The following STK32B variants were observed in gnomAD, a reference collection of about 807,000 sequenced individuals.
The protein encoded by STK32B is serine/threonine kinase 32B, also known as serine/threonine-protein kinase 32B.
STK32B carries 43 observed loss-of-function variants against 52.6 expected under a neutral mutation model. The ratio of observed to expected loss-of-function variants is 0.82; its 90% CI spans 0.64 to 1.05. The LOEUF is 1.05. STK32B is among the 50% of genes least tolerant of loss of function. The probability of loss-of-function intolerance (pLI) is 0.00; values close to 1 mark genes in which losing one functional copy is unlikely to be tolerated. For synonymous variants in STK32B, 238 were observed against 204.3 expected (o/e 1.17, Z -1.41); for missense variants, 621 against 534.6 (o/e 1.16, Z -1.59).
chr4:5,374,740 A>G (rs1243544443), intron 4 of STK32B, among the ~76,000 whole-genome samples: 1 of 143,584 alleles, frequency 7.0e-6, no homozygotes, highest in African/African-American at 2.7e-5. Context: ...ATACTATTGC[A>G]TTGAGGCTCA....
intron 3 of STK32B, among the ~76,000 whole-genome samples, chr4:5,270,912 C>A (rs1248463776): frequency 2.0e-5 from 3 of 152,078 alleles, no homozygotes; most frequent in Non-Finnish European, 4.4e-5. Flanking sequence ...TCAACAAAAT[C>A]AAAAACTGAA....
At chr4:5,232,459 G>A (rs956371847) in intron 3 of STK32B, among the ~76,000 whole-genome samples, 5 of 152,196 alleles carry the variant, frequency 3.3e-5, no homozygotes, top group African/African-American at 7.2e-5. Flanking sequence ...TGAGGGACAC[G>A]ATAATTTCAG....
At chr4:5,334,608 T>G (rs1347144693) in intron 4 of STK32B, among the ~76,000 whole-genome samples, 2 of 152,140 alleles carry the variant, frequency 1.3e-5, no homozygotes, top group African/African-American at 2.4e-5. Context: ...ATATTGGCTG[T>G]GGGTTTGTCA....
At chr4:5,024,884 A>G in the STK32B span, among the ~76,000 whole-genome samples, 1 of 152,230 alleles carries the variant, frequency 6.6e-6, no homozygotes. Flanking sequence ...GCTTTACACA[A>G]CAGGCCCCCA....
rs1184122188 is a variant in STK32B, at chr4:5,159,612, TATATATGA to T, written c.109-8680_109-8673del. The stretch of plus-strand genomic sequence containing the variant: ...GAATATATATGAATATATATATGAA[TATATATGA>T]ATATATATGAATATATATATGAATG... On this transcript the variant is annotated intron_variant, in intron 2 of 11. Coordinates refer to ENST00000282908, the MANE Select transcript of STK32B (RefSeq NM_018401.3). Among the ~76,000 whole-genome samples the T allele has an allele frequency of 1.9e-3, 232 of 122,750 alleles. 10 individuals are homozygous for T. The highest frequency in any genetic ancestry group is 3.0e-3 in the Non-Finnish European group (189 of 63,316). 80.5% of individuals were successfully genotyped at this position (122,750 alleles called of 152,430 possible).
intron 1 of STK32B, among the ~76,000 whole-genome samples, chr4:5,107,247 C>G (rs78489278): frequency 0.015 from 2,302 of 152,096 alleles, 62 homozygotes; most frequent in African/African-American, 0.053. Context: ...TCCCATCACC[C>G]CAAAATGAGA....
intron 9 of STK32B, among the ~76,000 whole-genome samples, chr4:5,461,443 A>G (rs1401832916): frequency 6.6e-6 from 1 of 152,104 alleles, no homozygotes; most frequent in Non-Finnish European, 1.5e-5. Context: ...GTCTCCCCAC[A>G]TCAGTTTCTC....
chr4:5,460,491 G>T lies in STK32B; in HGVS notation c.909+263G>T, dbSNP rs1179414236. On this transcript the variant is annotated intron_variant, in intron 9 of 11. Transcript: ENST00000282908. This position sits in a 1 kb window ranked among gnomAD's most constrained non-coding sequence, Gnocchi z 4.8. ...CTGAATCCCACCTCCAGGTGCTCAG[G>T]TCCAGGTGTGGGGATAGCAGGCTGA... Among the ~76,000 whole-genome samples, 5 of 152,156 alleles carry T rather than the reference G, an allele frequency of 3.3e-5. No homozygotes were observed. The East Asian group carries it at 9.6e-4, about 29-fold the overall frequency.
chr4:5,395,378 T>C lies in STK32B; in HGVS notation c.435-2829T>C, dbSNP rs181074187. Among the ~76,000 whole-genome samples, 1 of 152,334 alleles carries C rather than the reference T, an allele frequency of 6.6e-6. No homozygotes were observed. Among genetic ancestry groups the C allele is most frequent in the East Asian group, 1.9e-4 (1 of 5,190 alleles). ...TCCTCCTACTTCCTCATCTGCAAAA[T>C]GAGAACTTGCTCACTACATGATGCA... On this transcript the variant is annotated intron_variant, in intron 4 of 11. Coordinates refer to ENST00000282908, the MANE Select transcript of STK32B (RefSeq NM_018401.3). The surrounding 1 kb of genome is among the most constrained non-coding windows in gnomAD (Gnocchi z 4.4).
In STK32B at chr4:5,400,667, A is replaced by G. The variant is rs1338928294; in HGVS notation, c.472+2423A>G. Among the ~76,000 whole-genome samples, 1 of 152,204 alleles carries G rather than the reference A, an allele frequency of 6.6e-6. No homozygotes were observed. The highest frequency in any genetic ancestry group is 2.4e-5 in the African/African-American group (1 of 41,444). The stretch of plus-strand genomic sequence containing the variant: ...TAGGAGCAGGGAATTCCGCTCAGAA[A>G]AAGAAGAGTCTCCTTTCTGGGGAGA... On this transcript the variant is annotated intron_variant, in intron 5 of 11. Coordinates refer to ENST00000282908, the MANE Select transcript of STK32B (RefSeq NM_018401.3). The surrounding 1 kb of genome is among the most constrained non-coding windows in gnomAD (Gnocchi z 6.1).
chr4:5,258,226 A>G (rs568095952), intron 3 of STK32B, among the ~76,000 whole-genome samples: 11 of 152,356 alleles, frequency 7.2e-5, no homozygotes, highest in African/African-American at 2.6e-4. Flanking sequence ...GAAGTGACAC[A>G]TCTGAGTTAA....
chr4:5,223,681 G>A (rs1408633895), intron 3 of STK32B, among the ~76,000 whole-genome samples: 1 of 152,028 alleles, frequency 6.6e-6, no homozygotes, highest in Admixed American at 6.5e-5. Flanking sequence ...GCCAGGCGTG[G>A]TGGTGGACAC....
rs1181909453 is a variant in STK32B at position 5,474,844 on chromosome 4, T to A, written c.1106+6774T>A. Among the ~76,000 whole-genome samples, 67 of 152,154 alleles carry A rather than the reference T, an allele frequency of 4.4e-4. 2 individuals carry two copies. Among genetic ancestry groups the A allele is most frequent in the Admixed American group, 4.3e-3 (66 of 15,274 alleles). On this transcript the variant is annotated intron_variant, in intron 11 of 11. Transcript: ENST00000282908. ...GATTAAAACATAATTCTGACTTGAA[T>A]GGTGTCTCTGAAACTCAGAAGTCTA...
chr4:5,090,853 T>C (rs761348501), intron 1 of STK32B, among the ~76,000 whole-genome samples: 23 of 152,214 alleles, frequency 1.5e-4, no homozygotes, highest in Non-Finnish European at 1.2e-4. Context: ...CTGAAGTCTG[T>C]GTTCTGCTCT....
chr4:5,258,340 T>C (rs7687461), intron 3 of STK32B, among the ~76,000 whole-genome samples: 17,849 of 152,162 alleles, frequency 0.12, 2,874 homozygotes, highest in African/African-American at 0.36. Context: ...CTCATAGGTT[T>C]GGAGACAATT....
rs1175452307 is a variant in STK32B, at chr4:5,080,480, C to T, written c.52+28565C>T. On this transcript the variant is annotated intron_variant, in intron 1 of 11. Transcript: ENST00000282908. ...GGCTTTTTTTAGATCTTTTCTGAAA[C>T]GTCAGTTTCTCAAGGAGTCCCTCTC... Among the ~76,000 whole-genome samples, 9 of 152,234 alleles carry T rather than the reference C, an allele frequency of 5.9e-5. 2 individuals carry two copies. The Middle Eastern group carries it at 0.024, about 403-fold the overall frequency.
At chr4:5,393,446 T>A (rs1256857962) in intron 4 of STK32B, among the ~76,000 whole-genome samples, 1 of 152,206 alleles carries the variant, frequency 6.6e-6, no homozygotes, top group Non-Finnish European at 1.5e-5. Flanking sequence ...GACTGTTGTT[T>A]ATAAAGAAAA....
chr4:5,277,297 T>C (rs1411908052), intron 3 of STK32B, among the ~76,000 whole-genome samples: 1 of 152,228 alleles, frequency 6.6e-6, no homozygotes, highest in Non-Finnish European at 1.5e-5. Flanking sequence ...ACTCACTCTT[T>C]CTTTTCAGCA....
intron 1 of STK32B, among the ~76,000 whole-genome samples, chr4:5,102,572 C>T (rs913137133): frequency 6.8e-6 from 1 of 147,832 alleles, no homozygotes; most frequent in Non-Finnish European, 1.5e-5. Context: ...CCCTCTTTCC[C>T]AGGCTGGAGT....
Sources: allele counts gnomAD v4.1 joint callset (sites outside exome capture counted in the v4.1 genomes callset), GRCh38; gene constraint gnomAD v4.1.1; non-coding constraint Gnocchi (gnomAD v3.1); transcripts MANE v1.5; gene names NCBI Gene and HGNC (gene_info 2026-07-23, HGNC 2026-07-21).